The following SLCO2B1 variants were observed in gnomAD, a reference collection of about 807,000 sequenced individuals.
SLCO2B1 encodes the protein OATP-RP2.
Under a neutral mutation model 67.3 loss-of-function variants are expected in SLCO2B1, and 41 were observed. The observed-to-expected ratio is 0.61, with a 90% confidence interval of 0.47 to 0.79. The LOEUF (loss-of-function observed/expected upper bound fraction) is 0.79, where lower values mean the gene tolerates loss of function less well. Ranked by LOEUF, SLCO2B1 falls within the 30% of genes least tolerant of loss-of-function variation. The pLI is 0.00. For synonymous variants in SLCO2B1, 379 were observed against 381.4 expected (o/e 0.99, Z 0.07); for missense variants, 837 against 920.1 (o/e 0.91, Z 1.17).
intron 8 of SLCO2B1, among the ~76,000 whole-genome samples, chr11:75,189,926 C>T (rs1482489369): frequency 2.0e-5 from 3 of 150,506 alleles, no homozygotes; most frequent in Admixed American, 1.3e-4. Context: ...CTGGCCGCTG[C>T]GCTCCAGCCT....
At chr11:75,152,387 A>G (rs1027770106) in intron 1 of SLCO2B1, 4 of 152,408 alleles carry the variant, frequency 2.6e-5, no homozygotes, top group African/African-American at 9.7e-5. Flanking sequence ...GGCCATGGAG[A>G]CAGACCCAGC....
At chr11:75,182,307 G>A (rs1950100694) in intron 7 of SLCO2B1, among the ~76,000 whole-genome samples, 1 of 152,178 alleles carries the variant, frequency 6.6e-6, no homozygotes, top group South Asian at 2.1e-4. Context: ...CCTGGGTTTG[G>A]TTTGAGAGCC....
chr11:75,190,220 T>C (rs1944997880), intron 8 of SLCO2B1, among the ~76,000 whole-genome samples: 1 of 152,338 alleles, frequency 6.6e-6, no homozygotes, highest in Non-Finnish European at 1.5e-5. Context: ...AGAGCAAGTG[T>C]TCTAGGCCAG....
At chr11:75,169,035 G>A (rs1949926258) in intron 4 of SLCO2B1, 138 bp from the exon 5 acceptor site, 2 of 659,806 alleles carry the variant, frequency 3.0e-6, no homozygotes, top group Non-Finnish European at 5.0e-6. Flanking sequence ...CAGGCATAAT[G>A]AGAGCACTCA....
intron 1 of SLCO2B1, among the ~76,000 whole-genome samples, chr11:75,158,484 G>A (rs2156656): frequency 0.44 from 66,815 of 152,018 alleles, 17,529 homozygotes; most frequent in Non-Finnish European, 0.59. Context: ...TCAAAGTTAA[G>A]GCTGTTTTTT....
chr11:75,163,527 C>T (rs911337081), intron 2 of SLCO2B1, among the ~76,000 whole-genome samples: 1 of 152,020 alleles, frequency 6.6e-6, no homozygotes, highest in Non-Finnish European at 1.5e-5. Context: ...GATGGTGGAA[C>T]TGGGAGGAAA....
At chr11:75,166,562 C>T (rs1414567654) in intron 4 of SLCO2B1, among the ~76,000 whole-genome samples, 6 of 151,720 alleles carry the variant, frequency 4.0e-5, no homozygotes, top group Non-Finnish European at 8.8e-5. Flanking sequence ...TACCCACTCA[C>T]CCACCCACCC....
At chr11:75,177,200 T>G (rs1419181733) in intron 7 of SLCO2B1, among the ~76,000 whole-genome samples, 4 of 150,310 alleles carry the variant, frequency 2.7e-5, no homozygotes, top group Non-Finnish European at 5.9e-5. Flanking sequence ...ACACACACAC[T>G]TCAGTCCAAG....
Position 75,172,564 on chromosome 11 carries a change from A to G in SLCO2B1, c.967A>G (p.Arg323Gly). 2.5e-6 allele frequency: 4 copies of G among 1,613,474 alleles called. No homozygotes were observed. Among genetic ancestry groups the G allele is most frequent in the Non-Finnish European group, 3.4e-6 (4 of 1,179,556 alleles). The change falls in exon 7 of 14, where the codon AGG (arginine) becomes GGG (glycine). Residue 323 changes from arginine to glycine, a missense_variant. By Grantham distance (125) the Arg-to-Gly change is moderately radical. Transcript: ENST00000289575. The part of the protein sequence containing the change: ...KVLAVTDSPA[R>G]KGKDSPSKQS... The stretch of plus-strand genomic sequence containing the variant: ...CTTAGCAGTCACAGACTCACCTGCC[A>G]GGAAGGTAAGCTCCCTCCATGTCAC...
intron 8 of SLCO2B1, among the ~76,000 whole-genome samples, chr11:75,188,465 C>T (rs1944969978): frequency 6.6e-6 from 1 of 152,198 alleles, no homozygotes; most frequent in Non-Finnish European, 1.5e-5. Flanking sequence ...GCGGCTCATG[C>T]CTGTAATCCC....
At chr11:75,187,371 C>T (rs1395992956) in intron 7 of SLCO2B1, among the ~76,000 whole-genome samples, 1 of 152,174 alleles carries the variant, frequency 6.6e-6, no homozygotes, top group African/African-American at 2.4e-5. Context: ...TCCAGGGTGT[C>T]CATGGGAATC....
intron 7 of SLCO2B1, among the ~76,000 whole-genome samples, chr11:75,174,821 A>G (rs1950004358): frequency 6.6e-6 from 1 of 152,162 alleles, no homozygotes; most frequent in Non-Finnish European, 1.5e-5. Flanking sequence ...CACGGGTGGG[A>G]TAGGTGACAG....
intron 4 of SLCO2B1, among the ~76,000 whole-genome samples, chr11:75,167,156 C>G (rs1949903269): frequency 2.0e-5 from 3 of 152,042 alleles, no homozygotes; most frequent in Admixed American, 6.6e-5. Context: ...TGAGCTGCAG[C>G]TTAGAGAGAA....
At position 75,189,510 on chromosome 11, in the gene SLCO2B1, G is replaced by A. The variant is rs546883931; in HGVS notation, c.1075+1272G>A. On this transcript the variant is annotated intron_variant, in intron 8 of 13. Coordinates refer to ENST00000289575, the MANE Select transcript of SLCO2B1 (RefSeq NM_007256.5). ...TTTCAATTATTACTCTTGTTCCACCGTTATTCTGACCATGCCCTAGGATAG... is the reference window on the plus strand; with the variant it reads ...TTTCAATTATTACTCTTGTTCCACCATTATTCTGACCATGCCCTAGGATAG... Among the ~76,000 whole-genome samples, 10 of 152,254 alleles carry A rather than the reference G, an allele frequency of 6.6e-5. No homozygotes were observed. The East Asian group carries it at 9.6e-4, about 15-fold the overall frequency.
chr11:75,155,480 G>A (rs922284029), intron 1 of SLCO2B1, among the ~76,000 whole-genome samples: 2 of 152,044 alleles, frequency 1.3e-5, no homozygotes, highest in Non-Finnish European at 2.9e-5. Flanking sequence ...TTATTGAGAC[G>A]GAGTTTCACT....
Position 75,185,323 on chromosome 11 carries a change from G to A in SLCO2B1, c.973-2813G>A, listed in dbSNP as rs373160901. Among the ~76,000 whole-genome samples the A allele has an allele frequency of 5.3e-5, 8 of 152,252 alleles. No individual in the cohort carries two copies. In the East Asian group the frequency reaches 9.7e-4, roughly 18 times the overall value. On this transcript the variant is annotated intron_variant, in intron 7 of 13. Coordinates refer to ENST00000289575, the MANE Select transcript of SLCO2B1 (RefSeq NM_007256.5). ...CTCACAGGCAACATGGGAAGAGGAG[G>A]CAGAACCAGGAAGCCCAAATGAGTG...
chr11:75,204,288 C>A, intron 13 of SLCO2B1, 112 bp from the exon 14 acceptor site: 1 of 1,126,218 alleles, frequency 8.9e-7, no homozygotes, highest in Non-Finnish European at 1.3e-6. Flanking sequence ...CAGCAGAGGT[C>A]AATGTCTCCC....
chr11:75,197,379 C>T (rs1229277479), intron 10 of SLCO2B1, among the ~76,000 whole-genome samples: 1 of 152,216 alleles, frequency 6.6e-6, no homozygotes, highest in Non-Finnish European at 1.5e-5. Context: ...AATGGGTAAA[C>T]TATTCATTTA....
chr11:75,166,324 C>CT, intron 4 of SLCO2B1, among the ~76,000 whole-genome samples: 1 of 152,202 alleles, frequency 6.6e-6, no homozygotes. Flanking sequence ...CCAGACACTG[C>CT]TCTAAGCACT....
Sources: allele counts gnomAD v4.1 joint callset (sites outside exome capture counted in the v4.1 genomes callset), GRCh38; gene constraint gnomAD v4.1.1; transcripts MANE v1.5; gene names NCBI Gene and HGNC (gene_info 2026-07-23, HGNC 2026-07-21).